TYW1: variants seen among roughly 807,000 people sequenced by gnomAD.
TYW1 encodes S-adenosyl-L-methionine-dependent tRNA 4-demethylwyosine synthase TYW1.
Under a neutral mutation model 96.2 loss-of-function variants are expected in TYW1, and 46 were observed. The observed-to-expected ratio is 0.48, with a 90% CI of 0.38 to 0.61. TYW1 has a LOEUF of 0.61. Among genes scored for constraint, TYW1 ranks in the 20% least tolerant of loss-of-function variants. The pLI is 0.00. For missense variants in TYW1, 684 were observed against 909.6 expected (o/e 0.75, Z 3.19); for synonymous variants, 274 against 323.0 (o/e 0.85, Z 1.63).
chr7:67,080,809 T>G (rs1295375412), intron 10 of TYW1, among the ~76,000 whole-genome samples: 1 of 151,192 alleles, frequency 6.6e-6, no homozygotes, highest in Non-Finnish European at 1.5e-5. Flanking sequence ...TAGTTGGGTG[T>G]TTTTTTTTAA....
intron 11 of TYW1, among the ~76,000 whole-genome samples, chr7:67,088,243 A>G (rs890413762): frequency 6.6e-6 from 1 of 152,046 alleles, no homozygotes; most frequent in Non-Finnish European, 1.5e-5. Flanking sequence ...TATTTGTTTA[A>G]TGCTTTTTTC....
chr7:67,033,461 G>A (rs977604566), intron 7 of TYW1, among the ~76,000 whole-genome samples: 12 of 152,166 alleles, frequency 7.9e-5, no homozygotes, highest in African/African-American at 2.2e-4. Context: ...GCAGCCGTAC[G>A]TCAATCTGTA....
intron 12 of TYW1, 108 bp downstream of exon 12, chr7:67,098,826 C>G (rs1414298257): frequency 3.4e-5 from 42 of 1,240,392 alleles, no homozygotes; most frequent in Non-Finnish European, 4.4e-5. Context: ...TTACTTACTA[C>G]ATACAAATGT....
chr7:67,121,489 C>T (rs1325329279), intron 13 of TYW1, among the ~76,000 whole-genome samples: 3 of 152,096 alleles, frequency 2.0e-5, no homozygotes, highest in African/African-American at 4.8e-5. Flanking sequence ...TGTAGTGAGC[C>T]GAGATCGCAC....
At chr7:67,198,795 G>C (rs1800492025) in intron 15 of TYW1, among the ~76,000 whole-genome samples, 1 of 152,158 alleles carries the variant, frequency 6.6e-6, no homozygotes, top group South Asian at 2.1e-4. Context: ...TTCTTCTTAA[G>C]TCTCTGTAGT....
intron 13 of TYW1, among the ~76,000 whole-genome samples, chr7:67,141,417 C>T (rs1798443978): frequency 6.6e-6 from 1 of 152,214 alleles, no homozygotes; most frequent in African/African-American, 2.4e-5. Context: ...AGTAATTGCT[C>T]AACTTGAATA....
intron 7 of TYW1, among the ~76,000 whole-genome samples, chr7:67,043,688 C>T (rs900819213): frequency 6.6e-6 from 1 of 152,158 alleles, no homozygotes; most frequent in African/African-American, 2.4e-5. Flanking sequence ...ATACACTGCC[C>T]TTAAACCATC....
chr7:67,189,290 G>A, intron 14 of TYW1, among the ~76,000 whole-genome samples: 1 of 150,248 alleles, frequency 6.7e-6, no homozygotes, highest in Non-Finnish European at 1.5e-5. Context: ...AGTGTGTGGT[G>A]TGTTTATGTG....
chr7:67,019,164 T>C lies in TYW1; in HGVS notation c.861+1021T>C, dbSNP rs116886715. ...GTGTCTGCTGCTGATTGTTTGACTA[T>C]AGATTCACGACCACGGGCTCAAGTT... On this transcript the variant is annotated intron_variant, in intron 6 of 15. Coordinates refer to ENST00000359626, the MANE Select transcript of TYW1 (RefSeq NM_018264.4). 9.2e-3 allele frequency among the ~76,000 whole-genome samples: 1,396 copies of C among 152,246 alleles called. 2 individuals are homozygous for C. Among genetic ancestry groups the C allele is most frequent in the Middle Eastern group, 0.017 (5 of 294 alleles).
At chr7:67,073,717 T>G (rs1428992546) in intron 10 of TYW1, among the ~76,000 whole-genome samples, 1 of 123,400 alleles carries the variant, frequency 8.1e-6, no homozygotes, top group East Asian at 2.3e-4. Context: ...GAGGTTGCAG[T>G]GAGCTATCAT....
At chr7:67,097,444 G>A (rs1357534743) in intron 11 of TYW1, among the ~76,000 whole-genome samples, 1 of 152,228 alleles carries the variant, frequency 6.6e-6, no homozygotes, top group Non-Finnish European at 1.5e-5. Flanking sequence ...TGTTGCCCAG[G>A]CTGGAGTGCG....
intron 7 of TYW1, among the ~76,000 whole-genome samples, chr7:67,027,696 C>T (rs1347086524): frequency 2.0e-5 from 3 of 151,964 alleles, no homozygotes; most frequent in Admixed American, 6.6e-5. Context: ...TTTGGGAGGT[C>T]GAGGCAGGCA....
intron 12 of TYW1, among the ~76,000 whole-genome samples, chr7:67,106,287 CATT>C (rs1345845804): frequency 1.3e-5 from 2 of 152,230 alleles, no homozygotes; most frequent in East Asian, 3.8e-4. Context: ...ACTTGACTCA[CATT>C]ATTTCCTTGG....
intron 8 of TYW1, among the ~76,000 whole-genome samples, chr7:67,051,732 G>GTTTTTTTTTTTTT (rs201852688): frequency 3.2e-5 from 4 of 123,956 alleles, no homozygotes; most frequent in Non-Finnish European, 3.5e-5. Flanking sequence ...TTGTTTTTTT[G>GTTTTTTTTTTTTT]TTTTTTTTTT....
intron 7 of TYW1, among the ~76,000 whole-genome samples, chr7:67,047,826 C>T (rs112115249): frequency 3.2e-5 from 4 of 126,662 alleles, no homozygotes; most frequent in East Asian, 2.4e-4. Context: ...GAGTCTCTGT[C>T]GCCCAGGCTG....
chr7:67,215,492 G>A (rs1916856), intron 15 of TYW1, among the ~76,000 whole-genome samples: 40,274 of 151,194 alleles, frequency 0.27, 5,735 homozygotes, highest in African/African-American at 0.36. Flanking sequence ...AAGTTCTTCT[G>A]CATAAACCTG....
At chr7:67,151,063 T>TTTGGAGACAGAG in intron 13 of TYW1, among the ~76,000 whole-genome samples, 1 of 151,938 alleles carries the variant, frequency 6.6e-6, no homozygotes, top group Non-Finnish European at 1.5e-5. Flanking sequence ...TTTTTTTTTT[T>TTTGGAGACAGAG]TTTTGGAGAC....
At chr7:67,055,008 A>G (rs1795463904) in intron 8 of TYW1, among the ~76,000 whole-genome samples, 1 of 152,178 alleles carries the variant, frequency 6.6e-6, no homozygotes, top group South Asian at 2.1e-4. Flanking sequence ...TTAATCTCCC[A>G]TTGACATCTG....
intron 13 of TYW1, among the ~76,000 whole-genome samples, chr7:67,168,768 G>T (rs989750954): frequency 1.3e-5 from 2 of 151,876 alleles, no homozygotes; most frequent in Non-Finnish European, 2.9e-5. Context: ...CTGGAGTGCA[G>T]TGTTGCGATC....
Sources: gnomAD v4.1 joint callset for allele counts (sites outside exome capture counted in the v4.1 genomes callset) on GRCh38, gnomAD v4.1.1 for gene constraint, MANE v1.5 for transcripts, NCBI Gene and HGNC (gene_info 2026-07-23, HGNC 2026-07-21) for gene names.